Variants in GPR158 observed in about 807,000 individuals in gnomAD.
The protein encoded by GPR158 is G protein-coupled receptor 158.
GPR158 carries 30 observed loss-of-function variants against 78.2 expected under a neutral mutation model. The observed-to-expected ratio is 0.38, with a 90% CI of 0.29 to 0.52. GPR158 has a LOEUF of 0.52. Among genes scored for constraint, GPR158 ranks in the 20% least tolerant of loss-of-function variants. The pLI is 0.83. For synonymous variants in GPR158, 581 were observed against 591.1 expected (o/e 0.98, Z 0.25); for missense variants, 1,463 against 1,523.5 (o/e 0.96, Z 0.66).
intron 2 of GPR158, among the ~76,000 whole-genome samples, chr10:25,246,430 T>C (rs1853690004): frequency 6.6e-6 from 1 of 152,234 alleles, no homozygotes; most frequent in Non-Finnish European, 1.5e-5. Flanking sequence ...AGTTTTAATT[T>C]TGAAAATGAT....
At chr10:25,240,578 A>G (rs1853590416) in intron 2 of GPR158, among the ~76,000 whole-genome samples, 1 of 152,216 alleles carries the variant, frequency 6.6e-6, no homozygotes, top group Non-Finnish European at 1.5e-5. Flanking sequence ...TTGATTAGAA[A>G]TGATAAGGAA....
intron 4 of GPR158, among the ~76,000 whole-genome samples, chr10:25,449,988 T>G (rs1369360598): frequency 7.6e-6 from 1 of 131,440 alleles, no homozygotes; most frequent in Non-Finnish European, 1.6e-5. Flanking sequence ...AAAACAAAAT[T>G]TAATAAAAAT....
intron 5 of GPR158, among the ~76,000 whole-genome samples, chr10:25,525,035 C>T (rs1218439390): frequency 6.6e-6 from 1 of 152,132 alleles, no homozygotes; most frequent in Admixed American, 6.5e-5. Flanking sequence ...CATCATTTCT[C>T]ATTAGGGAAA....
chr10:25,307,016 CA>C (rs1854686903), intron 2 of GPR158, among the ~76,000 whole-genome samples: 1 of 146,374 alleles, frequency 6.8e-6, no homozygotes, highest in East Asian at 2.0e-4. Context: ...CACACACATA[CA>C]GAGAGAGAGA....
rs1588919508 is a variant in GPR158, at chr10:25,575,072, A to AC, written c.1753+2185_1753+2186insC. ...ACAGAGCGAGACTCCATCTCAAAAA[A>AC]AAAAAAAAATAGTGAAGGATGGAAG... On this transcript the variant is annotated intron_variant, in intron 7 of 10. Coordinates refer to ENST00000376351, the MANE Select transcript of GPR158 (RefSeq NM_020752.3). Among the ~76,000 whole-genome samples the AC allele has an allele frequency of 2.0e-5, 3 of 151,938 alleles. No individual in the cohort carries two copies. The East Asian group carries it at 5.8e-4, about 29-fold the overall frequency.
intron 5 of GPR158, among the ~76,000 whole-genome samples, chr10:25,531,654 G>A (rs890329714): frequency 6.6e-6 from 1 of 152,106 alleles, no homozygotes; most frequent in African/African-American, 2.4e-5. Context: ...TGCCATTGAG[G>A]GAATTTATAA....
intron 2 of GPR158, among the ~76,000 whole-genome samples, chr10:25,285,709 C>G (rs1033077697): frequency 1.5e-4 from 23 of 152,154 alleles, no homozygotes; most frequent in Non-Finnish European, 1.8e-4. Context: ...ACATGCCAAT[C>G]TTCTTTGAAT....
At chr10:25,388,157 A>G (rs1259290940) in intron 2 of GPR158, among the ~76,000 whole-genome samples, 2 of 152,182 alleles carry the variant, frequency 1.3e-5, no homozygotes, top group African/African-American at 2.4e-5. Context: ...GTTAAGGTTC[A>G]TCAAAGTAGG....
At chr10:25,488,351 A>C (rs1249752868) in intron 5 of GPR158, among the ~76,000 whole-genome samples, 4 of 152,216 alleles carry the variant, frequency 2.6e-5, no homozygotes, top group South Asian at 2.1e-4. Flanking sequence ...CCTGTGCCCA[A>C]CTGAAAAACT....
At chr10:25,542,930 C>T (rs554595056) in intron 5 of GPR158, among the ~76,000 whole-genome samples, 1 of 151,794 alleles carries the variant, frequency 6.6e-6, no homozygotes, top group African/African-American at 2.4e-5. Flanking sequence ...TGTTCAGTAG[C>T]CTAAGAGTCC....
intron 5 of GPR158, among the ~76,000 whole-genome samples, chr10:25,539,132 C>T (rs1836540694): frequency 6.6e-6 from 1 of 152,094 alleles, no homozygotes. Flanking sequence ...CCTGGGTGTT[C>T]TAACCTATGC....
intron 1 of GPR158, among the ~76,000 whole-genome samples, chr10:25,193,446 G>A (rs186492854): frequency 1.1e-3 from 170 of 152,278 alleles, no homozygotes; most frequent in Admixed American, 1.8e-3. Context: ...CAAAGACCTC[G>A]AGATGGAATG....
chr10:25,572,734 C>T lies in GPR158; in HGVS notation c.1600C>T (p.Leu534Phe). ...GGTCATGAGGATGCTGGCAGTAATA[C>T]TCTTGGTAGTGTTTTGGTTTCTCAT... Reference protein sequence around the residue: ...GRVMRMLAVILLVVFWFLIGW... With the variant: ...GRVMRMLAVIFLVVFWFLIGW... The change falls in exon 7 of 11, where the codon CTC (leucine) becomes TTC (phenylalanine). Residue 534 changes from leucine to phenylalanine, a missense_variant. Physicochemically the swap from Leu to Phe is conservative, Grantham distance 22. Coordinates refer to ENST00000376351, the MANE Select transcript of GPR158 (RefSeq NM_020752.3). 2.5e-6 allele frequency: 4 copies of T among 1,613,794 alleles called. No homozygotes were observed. Among genetic ancestry groups the T allele is most frequent in the Non-Finnish European group, 2.5e-6 (3 of 1,179,766 alleles).
chr10:25,542,743 G>A (rs1836603879), intron 5 of GPR158, among the ~76,000 whole-genome samples: 1 of 143,850 alleles, frequency 7.0e-6, no homozygotes, highest in Non-Finnish European at 1.5e-5. Context: ...AGAATCGCTT[G>A]AACCCTGGAG....
At chr10:25,227,815 G>A (rs752990024) in intron 2 of GPR158, among the ~76,000 whole-genome samples, 7 of 152,114 alleles carry the variant, frequency 4.6e-5, no homozygotes, top group South Asian at 4.2e-4. Context: ...CTAAAATATC[G>A]TATATTAATT....
At chr10:25,188,729 A>T (rs1157000263) in intron 1 of GPR158, among the ~76,000 whole-genome samples, 2 of 152,226 alleles carry the variant, frequency 1.3e-5, no homozygotes, top group African/African-American at 2.4e-5. Flanking sequence ...ATGGGCAAGG[A>T]CTTCATGACT....
In GPR158 at chr10:25,239,170, G is replaced by A. The variant is rs187184785; in HGVS notation, c.1008+18013G>A. Among the ~76,000 whole-genome samples the A allele has an allele frequency of 3.5e-3, 527 of 152,228 alleles. 2 individuals carry two copies. Among genetic ancestry groups the A allele is most frequent in the African/African-American group, 0.012 (515 of 41,538 alleles). On this transcript the variant is annotated intron_variant, in intron 2 of 10. Transcript: ENST00000376351. ...ACTTTGTCTAACTCTTGCTAATGAA[G>A]AGCTAATTTTGACTTGTCTTTAAAT...
intron 5 of GPR158, among the ~76,000 whole-genome samples, chr10:25,519,256 C>T (rs1376695536): frequency 7.3e-6 from 1 of 136,290 alleles, no homozygotes; most frequent in Non-Finnish European, 1.6e-5. Context: ...TTATTTTGAG[C>T]CTATGTGTGT....
intron 2 of GPR158, among the ~76,000 whole-genome samples, chr10:25,301,092 A>G (rs1219867911): frequency 6.6e-6 from 1 of 152,226 alleles, no homozygotes; most frequent in South Asian, 2.1e-4. Flanking sequence ...TGTGATAACT[A>G]TATATGGTTA....
Sources: allele counts gnomAD v4.1 joint callset (sites outside exome capture counted in the v4.1 genomes callset), GRCh38; gene constraint gnomAD v4.1.1; transcripts MANE v1.5; gene names NCBI Gene and HGNC (gene_info 2026-07-23, HGNC 2026-07-21).